Variants in DIP2B observed in about 807,000 individuals in gnomAD.
DIP2B encodes disco-interacting protein 2 homolog B.
Under a neutral mutation model 198.0 loss-of-function variants are expected in DIP2B, and 76 were observed. That is an observed-to-expected ratio of 0.38 (90% CI 0.32 to 0.46). The LOEUF is 0.46. Ranked by LOEUF, DIP2B falls within the 20% of genes least tolerant of loss-of-function variation. DIP2B has a pLI of 0.99. For synonymous variants in DIP2B, 701 were observed against 739.1 expected (o/e 0.95, Z 0.84); for missense variants, 1,559 against 1,978.4 (o/e 0.79, Z 4.02).
intron 4 of DIP2B, among the ~76,000 whole-genome samples, chr12:50,668,051 TTCTTTAATA>T (rs1483203050): frequency 6.6e-6 from 1 of 152,190 alleles, no homozygotes; most frequent in Admixed American, 6.5e-5. Context: ...TAGTCTCTGT[TTCTTTAATA>T]TCTTTAAAAA....
rs1253509413 is a variant in DIP2B at position 50,506,660 on chromosome 12, A to G, written c.100+1420A>G. ...TTGTTTCTGTGAAGTGTTTAAGAAG[A>G]TAGGAATCCTCTGGGTTTGTCTGCC... On this transcript the variant is annotated intron_variant, in intron 1 of 37. Transcript: ENST00000301180. Among the ~76,000 whole-genome samples the G allele has an allele frequency of 2.0e-5, 3 of 152,154 alleles. No individual in the cohort carries two copies. The East Asian group carries it at 5.8e-4, about 29-fold the overall frequency.
intron 1 of DIP2B, among the ~76,000 whole-genome samples, chr12:50,553,057 A>C (rs1374272298): frequency 6.6e-6 from 1 of 152,008 alleles, no homozygotes; most frequent in Non-Finnish European, 1.5e-5. Flanking sequence ...GCTGGTCTTG[A>C]ACTCCTGACC....
At chr12:50,549,196 C>T (rs1958403893) in intron 1 of DIP2B, among the ~76,000 whole-genome samples, 2 of 150,212 alleles carry the variant, frequency 1.3e-5, no homozygotes, top group Admixed American at 6.6e-5. Flanking sequence ...GGGCTGGGCG[C>T]GGTGGCTCAT....
At chr12:50,702,841 G>A (rs80259877) in intron 19 of DIP2B, among the ~76,000 whole-genome samples, 9,591 of 151,410 alleles carry the variant, frequency 0.063, 663 homozygotes, top group East Asian at 0.32. Context: ...ACAAATGCTC[G>A]GCAAACGAAG....
At chr12:50,671,479 T>C (rs1179784683) in intron 5 of DIP2B, 81 bp downstream of exon 5, 1 of 1,452,528 alleles carries the variant, frequency 6.9e-7, no homozygotes, top group East Asian at 2.3e-5. Flanking sequence ...ATGGTTTGTG[T>C]TAGGTTTTTC....
intron 31 of DIP2B, among the ~76,000 whole-genome samples, chr12:50,732,156 A>G (rs1940054400): frequency 6.6e-6 from 1 of 152,258 alleles, no homozygotes; most frequent in Admixed American, 6.5e-5. Context: ...AAAGAACTAG[A>G]GAATGAGCAA....
chr12:50,689,410 C>A (rs1474721927), intron 12 of DIP2B, among the ~76,000 whole-genome samples: 5 of 152,080 alleles, frequency 3.3e-5, no homozygotes, highest in African/African-American at 1.2e-4. Context: ...TACAGTTATT[C>A]AGGTGAGCCC....
intron 4 of DIP2B, among the ~76,000 whole-genome samples, chr12:50,664,822 CTTTTTTGGTTTTTGTTTTT>C: frequency 5.3e-5 from 7 of 131,880 alleles, no homozygotes; most frequent in African/African-American, 2.2e-4. Context: ...AATTTCCCTC[CTTTTTTGGTTTTTGTTTTT>C]TTTTTTTTTT....
intron 1 of DIP2B, among the ~76,000 whole-genome samples, chr12:50,596,775 T>G (rs1958882189): frequency 6.6e-6 from 1 of 152,164 alleles, no homozygotes; most frequent in African/African-American, 2.4e-5. Context: ...AAAAATAGAC[T>G]GAGAATTCGG....
At chr12:50,552,796 G>A (rs917498058) in intron 1 of DIP2B, among the ~76,000 whole-genome samples, 4 of 151,728 alleles carry the variant, frequency 2.6e-5, no homozygotes, top group Non-Finnish European at 5.9e-5. Context: ...TTTTTTAAAC[G>A]TTTTTTAAAT....
chr12:50,674,680 A>AC (rs764609087), intron 6 of DIP2B, 51 bp downstream of exon 6: 30 of 1,602,934 alleles, frequency 1.9e-5, no homozygotes, highest in South Asian at 1.2e-4. Flanking sequence ...AAACTAGAAA[A>AC]ATTCAAATTA....
rs866923172 is a variant in DIP2B, at chr12:50,509,697, G to A, written c.100+4457G>A. Among the ~76,000 whole-genome samples the A allele has an allele frequency of 3.9e-5, 6 of 151,994 alleles. No homozygotes were observed. The Middle Eastern group carries it at 0.01, about 260-fold the overall frequency. On this transcript the variant is annotated intron_variant, in intron 1 of 37. Coordinates refer to ENST00000301180, the MANE Select transcript of DIP2B (RefSeq NM_173602.3). ...AGTTGAAGAGGAAAAAGGAGATGTT[G>A]GATAAAGATTTTACAGTCTCAGAAG...
At chr12:50,505,518 G>A (rs768963534) in intron 1 of DIP2B, among the ~76,000 whole-genome samples, 1 of 152,126 alleles carries the variant, frequency 6.6e-6, no homozygotes, top group African/African-American at 2.4e-5. Flanking sequence ...CCCAAAACCC[G>A]AGACAAAGCT....
At chr12:50,718,867 A>T (rs138498496) in intron 24 of DIP2B, 49 bp downstream of exon 24, 1 of 1,611,792 alleles carries the variant, frequency 6.2e-7, no homozygotes, top group South Asian at 1.1e-5. Flanking sequence ...CAAGGACAGA[A>T]CTTACTGCAG....
intron 3 of DIP2B, among the ~76,000 whole-genome samples, chr12:50,644,558 A>G (rs1413246954): frequency 6.6e-6 from 1 of 152,210 alleles, no homozygotes; most frequent in African/African-American, 2.4e-5. Context: ...AAAGATCAAG[A>G]TGAATTGTGT....
intron 1 of DIP2B, among the ~76,000 whole-genome samples, chr12:50,552,434 T>G (rs562132130): frequency 3.3e-5 from 5 of 151,898 alleles, no homozygotes; most frequent in African/African-American, 1.2e-4. Flanking sequence ...GCCCGGCTAA[T>G]TTTTTGTATT....
intron 1 of DIP2B, among the ~76,000 whole-genome samples, chr12:50,505,562 A>C (rs1018521462): frequency 2.6e-5 from 4 of 152,098 alleles, no homozygotes; most frequent in African/African-American, 9.7e-5. Context: ...CGTCTGGCCC[A>C]GGTGGGGTGA....
Position 50,731,391 on chromosome 12 carries a change from G to C in DIP2B, c.3664G>C (p.Val1222Leu). The change falls in exon 31 of 38, where the codon GTC becomes CTC. Residue 1222 changes from valine to leucine, a missense_variant. Val to Leu is a conservative substitution (Grantham distance 32, BLOSUM62 1). Transcript: ENST00000301180. Reference sequence around the variant, plus strand: ...CAGTGTCTATTCAGGCCACCAGTCTGTCTTAATTCCTCCTATGGAGTTAGA... The same window carrying C: ...CAGTGTCTATTCAGGCCACCAGTCTCTCTTAATTCCTCCTATGGAGTTAGA... ...LCSVYSGHQS[V>L]LIPPMELENN... 1 of 1,614,110 alleles carries C rather than the reference G, an allele frequency of 6.2e-7. No individual in the cohort carries two copies.
chr12:50,674,404 A>G (rs1938908810), intron 5 of DIP2B, 70 bp from the exon 6 acceptor site: 1 of 1,565,760 alleles, frequency 6.4e-7, no homozygotes, highest in Non-Finnish European at 8.7e-7. Context: ...TTAAAAAACA[A>G]AACCCCAAAG....
Sources: allele counts gnomAD v4.1 joint callset (sites outside exome capture counted in the v4.1 genomes callset), GRCh38; gene constraint gnomAD v4.1.1; transcripts MANE v1.5; gene names NCBI Gene and HGNC (gene_info 2026-07-23, HGNC 2026-07-21).